Variants in SLC66A2 observed in about 807,000 individuals in gnomAD.
The protein encoded by SLC66A2 is solute carrier family 66 member 2.
SLC66A2 carries 23 observed loss-of-function variants against 25.5 expected under a neutral mutation model. That is an observed-to-expected ratio of 0.90 (90% CI 0.65 to 1.28). SLC66A2 has a LOEUF of 1.28. SLC66A2 is among the 50% of genes most tolerant of loss of function. The probability of loss-of-function intolerance (pLI) is 0.00; values close to 1 mark genes in which losing one functional copy is unlikely to be tolerated. For missense variants in SLC66A2, 396 were observed against 373.1 expected, an observed-to-expected ratio of 1.06 and a Z score of -0.51; for synonymous variants, 193 against 166.5, an observed-to-expected ratio of 1.16 and a Z score of -1.23.
At chr18:79,930,643 CA>C (rs1395717039) in intron 4 of SLC66A2, among the ~76,000 whole-genome samples, 1 of 151,896 alleles carries the variant, frequency 6.6e-6, no homozygotes. Flanking sequence ...GGGCCTTTAA[CA>C]TAAAGAAATG....
intron 3 of SLC66A2, among the ~76,000 whole-genome samples, chr18:79,938,592 G>C (rs532824512): frequency 6.6e-6 from 1 of 152,324 alleles, no homozygotes; most frequent in South Asian, 2.1e-4. Flanking sequence ...GACTGTAGAA[G>C]AAAAAAGGAA....
chr18:79,943,504 C>T, intron 2 of SLC66A2, 42 bp from the exon 3 acceptor site: 1 of 1,597,530 alleles, frequency 6.3e-7, no homozygotes, highest in Non-Finnish European at 8.5e-7. Flanking sequence ...TCCACCCATG[C>T]CACTTCTCCC....
In SLC66A2 at chr18:79,918,288, A is replaced by T. The variant is rs1351156541; in HGVS notation, c.608+896T>A. 1.3e-5 allele frequency among the ~76,000 whole-genome samples: 2 copies of T among 152,212 alleles called. No homozygotes were observed. Among genetic ancestry groups the T allele is most frequent in the African/African-American group, 4.8e-5 (2 of 41,450 alleles). On this transcript the variant is annotated intron_variant, in intron 5 of 5. Coordinates refer to ENST00000397778, the MANE Select transcript of SLC66A2 (RefSeq NM_025078.5). The surrounding 1 kb of genome is among the most constrained non-coding windows in gnomAD (Gnocchi z 4.0). The stretch of plus-strand genomic sequence containing the variant: ...CTGTTTCCCACAAATAACAAATCCA[A>T]GAATAACATTCCCTCCAAATCACAG...
chr18:79,951,368 G>A (rs1371396474), intron 1 of SLC66A2, among the ~76,000 whole-genome samples: 2 of 151,192 alleles, frequency 1.3e-5, no homozygotes, highest in Admixed American at 1.3e-4. Flanking sequence ...GTTCGGGGGA[G>A]GGTCACAGGG....
Position 79,942,447 on chromosome 18 carries a change from T to C in SLC66A2, c.337+882A>G, listed in dbSNP as rs952368132. On this transcript the variant is annotated intron_variant, in intron 3 of 5. Transcript: ENST00000397778. The stretch of plus-strand genomic sequence containing the variant: ...CAAAAAGGCAGAGGTGGGAATCCTC[T>C]CCAACAGGACGAAGTAGCGGTCAGG... Among the ~76,000 whole-genome samples, 5 of 152,130 alleles carry C rather than the reference T, an allele frequency of 3.3e-5. No homozygotes were observed. The South Asian group carries it at 8.3e-4, about 25-fold the overall frequency.
chr18:79,935,834 G>C (rs2144895233), intron 3 of SLC66A2, among the ~76,000 whole-genome samples: 1 of 152,310 alleles, frequency 6.6e-6, no homozygotes, highest in South Asian at 2.1e-4. Context: ...AAGAGAATGA[G>C]CTTCAAGGGC....
intron 5 of SLC66A2, among the ~76,000 whole-genome samples, chr18:79,909,099 C>A (rs965521692): frequency 1.3e-5 from 2 of 152,224 alleles, no homozygotes; most frequent in African/African-American, 4.8e-5. Context: ...CTTCCATGGT[C>A]CTATCAACAG....
At chr18:79,910,623 C>G (rs1372996019) in intron 5 of SLC66A2, among the ~76,000 whole-genome samples, 1 of 152,216 alleles carries the variant, frequency 6.6e-6, no homozygotes, top group African/African-American at 2.4e-5. Context: ...TTAACATTTT[C>G]TCATTCTAAA....
chr18:79,942,026 G>A (rs1987716257), intron 3 of SLC66A2, among the ~76,000 whole-genome samples: 1 of 152,224 alleles, frequency 6.6e-6, no homozygotes. Flanking sequence ...CAGGGAACAT[G>A]CCATGAGGAG....
intron 4 of SLC66A2, among the ~76,000 whole-genome samples, chr18:79,929,413 C>G (rs1986334743): frequency 6.6e-6 from 1 of 152,152 alleles, no homozygotes; most frequent in South Asian, 2.1e-4. Context: ...ACTAGTCCAG[C>G]CAAATCACAA....
chr18:79,915,096 C>T (rs1233412339), intron 5 of SLC66A2, among the ~76,000 whole-genome samples: 3 of 152,354 alleles, frequency 2.0e-5, no homozygotes, highest in East Asian at 3.9e-4. Flanking sequence ...GCAGAGGCAA[C>T]GTCCCCACAA....
At chr18:79,935,670 G>C (rs1025071438) in intron 3 of SLC66A2, among the ~76,000 whole-genome samples, 1 of 152,140 alleles carries the variant, frequency 6.6e-6, no homozygotes, top group Non-Finnish European at 1.5e-5. Flanking sequence ...CTCCCCCTTG[G>C]GACCTGGCCG....
chr18:79,943,008 T>A (rs1406228651), intron 3 of SLC66A2, among the ~76,000 whole-genome samples: 2 of 152,194 alleles, frequency 1.3e-5, no homozygotes, highest in Admixed American at 1.3e-4. Context: ...TCTGACCTGA[T>A]GGGCCAGGCA....
intron 2 of SLC66A2, among the ~76,000 whole-genome samples, chr18:79,950,185 T>C (rs2051070818): frequency 6.6e-6 from 1 of 151,774 alleles, no homozygotes; most frequent in African/African-American, 2.4e-5. Flanking sequence ...CACTCCCCTG[T>C]CTCTACAAAA....
At position 79,950,919 on chromosome 18, in the gene SLC66A2, G is replaced by A. The variant is rs1222560563; in HGVS notation, c.8C>T (p.Ala3Val). The A allele has an allele frequency of 3.8e-6, 6 of 1,562,100 alleles. No individual in the cohort carries two copies. The highest frequency in any genetic ancestry group is 2.4e-5 in the East Asian group (1 of 41,306). Residue 3 changes from alanine to valine, a missense_variant, in exon 2 of 6, where the codon GCC becomes GTC. Ala to Val is a moderately conservative substitution (Grantham distance 64, BLOSUM62 0). Transcript: ENST00000397778. Reference protein sequence around the residue: MEAEGLDWLLVPL... With the variant: MEVEGLDWLLVPL... ...CACCAGGAGCCAGTCCAGGCCCTCG[G>A]CCTCCATCGCAGCGCCCGCCTGGCC...
At chr18:79,916,431 C>A (rs1181141050) in intron 5 of SLC66A2, among the ~76,000 whole-genome samples, 1 of 152,218 alleles carries the variant, frequency 6.6e-6, no homozygotes, top group Non-Finnish European at 1.5e-5. Context: ...AGGCAGGACT[C>A]TAACCCTCAT....
In SLC66A2 at chr18:79,904,219, G is replaced by A. The variant is rs748882044; in HGVS notation, c.609-36C>T. 12 of 1,593,406 alleles carry A rather than the reference G, an allele frequency of 7.5e-6. No individual in the cohort carries two copies. The South Asian group carries it at 1.1e-4, about 15-fold the overall frequency. ...ACAAGCAGGCGGTCAGCGGTGGGGA[G>A]GGCGGCGACCTGGGCTCAGTCAGTG... is the stretch of plus-strand genomic sequence containing the variant. On this transcript the variant is annotated intron_variant, in intron 5 of 5. Transcript: ENST00000397778. The surrounding 1 kb of genome is among the most constrained non-coding windows in gnomAD (Gnocchi z 6.3).
chr18:79,922,338 CCGT>C (rs1213632117), intron 4 of SLC66A2, among the ~76,000 whole-genome samples: 1 of 151,752 alleles, frequency 6.6e-6, no homozygotes, highest in African/African-American at 2.4e-5. Flanking sequence ...CTCTGAGAAG[CCGT>C]AGAGTGCAGG....
At chr18:79,942,220 AG>A (rs1412283125) in intron 3 of SLC66A2, among the ~76,000 whole-genome samples, 5 of 152,232 alleles carry the variant, frequency 3.3e-5, no homozygotes, top group African/African-American at 1.2e-4. Flanking sequence ...ACACAATAGA[AG>A]GGAACAGAGC....
Sources: gnomAD v4.1 joint callset for allele counts (sites outside exome capture counted in the v4.1 genomes callset) on GRCh38, gnomAD v4.1.1 for gene constraint, Gnocchi (gnomAD v3.1) non-coding constraint, MANE v1.5 for transcripts, NCBI Gene and HGNC (gene_info 2026-07-23, HGNC 2026-07-21) for gene names.